CTNNA2: variants seen among roughly 807,000 people sequenced by gnomAD.
The protein encoded by CTNNA2 is catenin alpha-2.
CTNNA2 carries 42 observed loss-of-function variants against 101.0 expected under a neutral mutation model. The observed-to-expected ratio is 0.42, with a 90% CI of 0.32 to 0.54. The LOEUF is 0.54. Ranked by LOEUF, CTNNA2 falls within the 20% of genes least tolerant of loss-of-function variation. The pLI is 0.14. For synonymous variants in CTNNA2, 450 were observed against 456.4 expected (o/e 0.99, Z 0.18); for missense variants, 871 against 1,223.1 (o/e 0.71, Z 4.29).
intron 7 of CTNNA2, among the ~76,000 whole-genome samples, chr2:79,941,122 A>G (rs1471074211): frequency 1.3e-5 from 2 of 152,152 alleles, no homozygotes; most frequent in Non-Finnish European, 2.9e-5. Flanking sequence ...AGATCCCAGC[A>G]TTGCTCTCGT....
intron 4 of CTNNA2, among the ~76,000 whole-genome samples, chr2:79,408,673 C>T (rs1284551812): frequency 6.6e-6 from 1 of 152,044 alleles, no homozygotes; most frequent in African/African-American, 2.4e-5. Flanking sequence ...TGTAAATGTG[C>T]CACATTTTCT....
At chr2:80,066,317 C>T (rs546309338) in intron 7 of CTNNA2, among the ~76,000 whole-genome samples, 2 of 152,116 alleles carry the variant, frequency 1.3e-5, no homozygotes, top group South Asian at 4.1e-4. Context: ...CAAACCTTAA[C>T]CTCTTACATT....
At chr2:79,299,342 A>T (rs994543675) in intron 2 of CTNNA2, among the ~76,000 whole-genome samples, 2 of 152,182 alleles carry the variant, frequency 1.3e-5, no homozygotes, top group Non-Finnish European at 2.9e-5. Flanking sequence ...TGTCAGCATT[A>T]TTCTGATTGT....
chr2:79,687,654 G>A (rs1235247553), intron 2 of CTNNA2: 1 of 636,934 alleles, frequency 1.6e-6, no homozygotes, highest in Non-Finnish European at 2.9e-6. Context: ...CTGTTGAATT[G>A]GGTAACTCTT....
chr2:79,947,117 TAAG>T (rs1392276310), intron 7 of CTNNA2, among the ~76,000 whole-genome samples: 1 of 152,220 alleles, frequency 6.6e-6, no homozygotes, highest in African/African-American at 2.4e-5. Flanking sequence ...AAATCCTACA[TAAG>T]AAGAGATAAC....
chr2:80,520,608 A>C (rs1057077454), intron 9 of CTNNA2, among the ~76,000 whole-genome samples: 13 of 152,130 alleles, frequency 8.5e-5, no homozygotes, highest in African/African-American at 2.7e-4. Context: ...TTGCAGAAAG[A>C]AAGCTAGTTT....
chr2:80,045,361 T>C (rs1696446399), intron 7 of CTNNA2, among the ~76,000 whole-genome samples: 1 of 152,198 alleles, frequency 6.6e-6, no homozygotes, highest in South Asian at 2.1e-4. Flanking sequence ...CTACTATCTT[T>C]TTAAATTTTA....
At chr2:80,224,886 A>G (rs1708784255) in intron 7 of CTNNA2, among the ~76,000 whole-genome samples, 1 of 151,758 alleles carries the variant, frequency 6.6e-6, no homozygotes, top group South Asian at 2.1e-4. Context: ...GATTAAATTT[A>G]ATTGTCCTTT....
intron 3 of CTNNA2, 77 bp downstream of exon 3, chr2:79,744,659 G>T (rs1220664181): frequency 1.5e-6 from 2 of 1,328,082 alleles, no homozygotes; most frequent in African/African-American, 3.0e-5. Flanking sequence ...AGAATCAATG[G>T]ATATTTACTC....
chr2:80,085,465 A>G lies in CTNNA2; in HGVS notation c.1056+175668A>G, dbSNP rs72924657. 3.5e-3 allele frequency among the ~76,000 whole-genome samples: 534 copies of G among 152,238 alleles called. 3 individuals carry two copies. The highest frequency in any genetic ancestry group is 0.012 in the African/African-American group (511 of 41,548). On this transcript the variant is annotated intron_variant, in intron 7 of 18. Coordinates refer to ENST00000402739, the MANE Select transcript of CTNNA2 (RefSeq NM_001282597.3). Reference sequence around the variant, plus strand: ...ACAAACATTTCCGAATAGTTCTAGTAACTTTCACTTCAGAGCACAAGAGAT... The same window carrying G: ...ACAAACATTTCCGAATAGTTCTAGTGACTTTCACTTCAGAGCACAAGAGAT...
intron 8 of CTNNA2, among the ~76,000 whole-genome samples, chr2:80,407,019 G>A (rs943755550): frequency 6.6e-6 from 1 of 151,836 alleles, no homozygotes; most frequent in Non-Finnish European, 1.5e-5. Flanking sequence ...GTCCAGTCCA[G>A]GTCAGAACAC....
intron 1 of CTNNA2, among the ~76,000 whole-genome samples, chr2:79,528,209 TTTC>T (rs915514028): frequency 2.8e-5 from 4 of 142,694 alleles, no homozygotes; most frequent in African/African-American, 1.2e-4. Flanking sequence ...TTTCTTTTCT[TTTC>T]TTTTTTTTTT....
intron 4 of CTNNA2, among the ~76,000 whole-genome samples, chr2:79,488,207 A>G (rs144271087): frequency 0.011 from 1,662 of 151,886 alleles, 21 homozygotes; most frequent in African/African-American, 0.038. Flanking sequence ...AATCCCAGCT[A>G]CTCAGGAGGC....
At chr2:80,487,142 G>A (rs999700069) in intron 9 of CTNNA2, among the ~76,000 whole-genome samples, 1 of 151,884 alleles carries the variant, frequency 6.6e-6, no homozygotes, top group Non-Finnish European at 1.5e-5. Context: ...TTAGCCGGGC[G>A]TGGTGGTGCA....
intron 1 of CTNNA2, among the ~76,000 whole-genome samples, chr2:79,522,646 G>A (rs531054694): frequency 6.6e-6 from 1 of 152,320 alleles, no homozygotes; most frequent in South Asian, 2.1e-4. Flanking sequence ...AACTGGGACA[G>A]GGCTGGCCTG....
chr2:80,180,799 A>G (rs1416219691), intron 7 of CTNNA2, among the ~76,000 whole-genome samples: 1 of 152,150 alleles, frequency 6.6e-6, no homozygotes, highest in East Asian at 1.9e-4. Flanking sequence ...CCCTTCCTCT[A>G]CATTAAACCA....
At chr2:79,652,877 C>A (rs1176059614) in intron 2 of CTNNA2, among the ~76,000 whole-genome samples, 1 of 152,114 alleles carries the variant, frequency 6.6e-6, no homozygotes, top group Admixed American at 6.6e-5. Context: ...TTCAAAATAT[C>A]ATCTAAATTT....
intron 4 of CTNNA2, among the ~76,000 whole-genome samples, chr2:79,452,272 C>A (rs1231272907): frequency 1.3e-5 from 2 of 151,916 alleles, no homozygotes; most frequent in South Asian, 2.1e-4. Flanking sequence ...GTGTATCCAG[C>A]CAATAATCAC....
intron 18 of CTNNA2, among the ~76,000 whole-genome samples, chr2:80,641,662 T>A (rs1673501378): frequency 2.0e-5 from 3 of 152,148 alleles, no homozygotes; most frequent in Admixed American, 2.0e-4. Flanking sequence ...AAGTTCACCA[T>A]TCTGAAGGGT....
Sources: gnomAD v4.1 joint callset for allele counts (sites outside exome capture counted in the v4.1 genomes callset) on GRCh38, gnomAD v4.1.1 for gene constraint, MANE v1.5 for transcripts, NCBI Gene and HGNC (gene_info 2026-07-23, HGNC 2026-07-21) for gene names.